DGKB: variants seen among roughly 807,000 people sequenced by gnomAD.
DGKB encodes 90 kDa diacylglycerol kinase.
DGKB carries 67 observed loss-of-function variants against 114.3 expected under a neutral mutation model. That is an observed-to-expected ratio of 0.59 (90% CI 0.48 to 0.72). The LOEUF (loss-of-function observed/expected upper bound fraction) is 0.72, where lower values mean the gene tolerates loss of function less well. Ranked by LOEUF, DGKB falls within the 30% of genes least tolerant of loss-of-function variation. The pLI, the probability that DGKB is intolerant of heterozygous loss-of-function variation, is 0.00. For missense variants in DGKB, 907 were observed against 975.2 expected (o/e 0.93, Z 0.93); for synonymous variants, 398 against 323.1 (o/e 1.23, Z -2.49).
At chr7:14,594,954 A>G (rs1226540062) in intron 17 of DGKB, among the ~76,000 whole-genome samples, 1 of 152,134 alleles carries the variant, frequency 6.6e-6, no homozygotes, top group African/African-American at 2.4e-5. Flanking sequence ...CAGAGATTCA[A>G]AACAAGGTAG....
At chr7:14,825,152 C>A (rs148709262) in intron 2 of DGKB, among the ~76,000 whole-genome samples, 1 of 150,072 alleles carries the variant, frequency 6.7e-6, no homozygotes, top group Non-Finnish European at 1.5e-5. Flanking sequence ...GTCTGGCATG[C>A]AATTGGCTTG....
At chr7:14,969,351 T>A (rs554181392) in intron 1 of DGKB, among the ~76,000 whole-genome samples, 9 of 152,198 alleles carry the variant, frequency 5.9e-5, no homozygotes, top group Non-Finnish European at 1.3e-4. Context: ...ATGGGGATAC[T>A]TTCTGAGAAG....
intron 21 of DGKB, among the ~76,000 whole-genome samples, chr7:14,468,865 T>C (rs903015547): frequency 9.9e-5 from 15 of 152,062 alleles, no homozygotes; most frequent in African/African-American, 3.6e-4. Flanking sequence ...TGTGTGTGTA[T>C]ATAAAATTTT....
At chr7:14,149,908 T>C (rs532873767) in intron 25 of DGKB, among the ~76,000 whole-genome samples, 18 of 152,188 alleles carry the variant, frequency 1.2e-4, no homozygotes, top group East Asian at 1.9e-4. Flanking sequence ...TCGTTTTGAT[T>C]TCTTTGATAT....
intron 1 of DGKB, among the ~76,000 whole-genome samples, chr7:14,846,882 T>C (rs537281419): frequency 6.6e-6 from 1 of 152,146 alleles, no homozygotes; most frequent in African/African-American, 2.4e-5. Flanking sequence ...TCTAGATGAG[T>C]CAATCTATTG....
intron 19 of DGKB, among the ~76,000 whole-genome samples, 168 bp from the exon 20 acceptor site, chr7:14,574,540 C>T (rs1387539121): frequency 6.6e-6 from 1 of 152,204 alleles, no homozygotes; most frequent in Non-Finnish European, 1.5e-5. Context: ...ATACTCATAC[C>T]CACATTTAAT....
At chr7:14,743,297 G>A (rs1473025173) in intron 4 of DGKB, among the ~76,000 whole-genome samples, 2 of 152,130 alleles carry the variant, frequency 1.3e-5, no homozygotes, top group African/African-American at 2.4e-5. Context: ...TAAATAGACT[G>A]CCAAGGAAAA....
intron 4 of DGKB, among the ~76,000 whole-genome samples, chr7:14,740,688 G>A (rs1412958263): frequency 6.6e-6 from 1 of 152,124 alleles, no homozygotes; most frequent in Non-Finnish European, 1.5e-5. Context: ...ATCATGGATA[G>A]AGGTCATACT....
intron 2 of DGKB, among the ~76,000 whole-genome samples, chr7:14,796,801 C>T (rs1229371735): frequency 2.0e-5 from 3 of 152,034 alleles, no homozygotes; most frequent in African/African-American, 7.2e-5. Context: ...TCCACCATGA[C>T]AATGTTCCTG....
chr7:14,336,938 G>A (rs1013367103), intron 23 of DGKB, among the ~76,000 whole-genome samples: 1 of 151,600 alleles, frequency 6.6e-6, no homozygotes, highest in African/African-American at 2.4e-5. Context: ...ATCAAGTATT[G>A]AGATGTAGTG....
intron 23 of DGKB, among the ~76,000 whole-genome samples, chr7:14,282,940 T>G (rs2128458340): frequency 6.6e-6 from 1 of 152,072 alleles, no homozygotes; most frequent in African/African-American, 2.4e-5. Context: ...GCATTCCCTT[T>G]GAAAACTGGC....
chr7:14,666,346 A>G (rs1166861323), intron 13 of DGKB, among the ~76,000 whole-genome samples: 1 of 152,058 alleles, frequency 6.6e-6, no homozygotes, highest in East Asian at 1.9e-4. Context: ...AGAAGGGCTA[A>G]AACAACATAG....
intron 1 of DGKB, among the ~76,000 whole-genome samples, chr7:14,942,002 A>C (rs1785594252): frequency 6.6e-6 from 1 of 152,088 alleles, no homozygotes; most frequent in South Asian, 2.1e-4. Context: ...CAACCGAATG[A>C]AAGTCTTGTC....
chr7:14,230,503 C>G (rs985309633), intron 23 of DGKB, among the ~76,000 whole-genome samples: 4 of 143,076 alleles, frequency 2.8e-5, no homozygotes, highest in African/African-American at 1.0e-4. Context: ...CAAAAATACT[C>G]CACAAATTAA....
intron 1 of DGKB, among the ~76,000 whole-genome samples, chr7:14,945,324 T>G (rs924326924): frequency 1.4e-4 from 21 of 151,836 alleles, no homozygotes; most frequent in African/African-American, 5.1e-4. Flanking sequence ...TGCTTGTCTT[T>G]GGAGAGGCGG....
chr7:14,509,754 G>A (rs1035687242), intron 20 of DGKB, among the ~76,000 whole-genome samples: 1 of 152,182 alleles, frequency 6.6e-6, no homozygotes, highest in Non-Finnish European at 1.5e-5. Context: ...AGCTTATTCT[G>A]TCTCTTTCTA....
intron 2 of DGKB, among the ~76,000 whole-genome samples, chr7:14,774,652 T>A (rs918624506): frequency 2.0e-5 from 3 of 152,202 alleles, no homozygotes; most frequent in Non-Finnish European, 4.4e-5. Flanking sequence ...TATAGTCATA[T>A]GCAACAGTCT....
intron 17 of DGKB, among the ~76,000 whole-genome samples, chr7:14,598,048 G>T (rs192221936): frequency 1.1e-4 from 17 of 152,168 alleles, no homozygotes; most frequent in Admixed American, 4.6e-4. Context: ...CCCACAGAAG[G>T]AAATTATTGT....
intron 21 of DGKB, among the ~76,000 whole-genome samples, chr7:14,414,448 C>T (rs1257146392): frequency 6.6e-6 from 1 of 152,112 alleles, no homozygotes; most frequent in Non-Finnish European, 1.5e-5. Context: ...CAGAACAGCC[C>T]TTCCCTAGAA....
Sources: gnomAD v4.1 joint callset for allele counts (sites outside exome capture counted in the v4.1 genomes callset) on GRCh38, gnomAD v4.1.1 for gene constraint, MANE v1.5 for transcripts, NCBI Gene and HGNC (gene_info 2026-07-23, HGNC 2026-07-21) for gene names.